The following VAC14 variants were observed in gnomAD, a reference collection of about 807,000 sequenced individuals.
VAC14 encodes protein VAC14 homolog.
Under a neutral mutation model 85.3 loss-of-function variants are expected in VAC14, and 47 were observed. The observed-to-expected ratio is 0.55, with a 90% CI of 0.44 to 0.70. VAC14 has a LOEUF of 0.70. VAC14 is among the 30% of genes least tolerant of loss of function. VAC14 has a pLI of 0.00. For synonymous variants in VAC14, 447 were observed against 430.5 expected (o/e 1.04, Z -0.47); for missense variants, 861 against 1,004.3 (o/e 0.86, Z 1.93).
chr16:70,744,298 C>G, intron 13 of VAC14, 125 bp downstream of exon 13: 1 of 1,357,430 alleles, frequency 7.4e-7, no homozygotes, highest in East Asian at 2.6e-5. Flanking sequence ...AACCCACAGA[C>G]CCCTCACACC....
chr16:70,704,432 C>G (rs531336623), intron 14 of VAC14, among the ~76,000 whole-genome samples: 1 of 152,328 alleles, frequency 6.6e-6, no homozygotes, highest in East Asian at 1.9e-4. Flanking sequence ...CTGATTTGGG[C>G]AAAGCCAGGC....
intron 10 of VAC14, chr16:70,769,637 T>C (rs373011566): frequency 2.0e-5 from 3 of 152,252 alleles, no homozygotes; most frequent in African/African-American, 7.2e-5. Context: ...GGATTTGGCA[T>C]TGGCTCCTGA....
rs968155357 is a variant in VAC14, at chr16:70,704,887, G to A, written c.1662-6076C>T. Among the ~76,000 whole-genome samples, 4 of 152,324 alleles carry A rather than the reference G, an allele frequency of 2.6e-5. 1 individual carries two copies. The highest frequency in any genetic ancestry group is 6.5e-5 in the Admixed American group (1 of 15,312). ...GGCTCCCTGCCGTGCTCCGCCCTAG[G>A]GAAGCTGGACTCTGCCATGTGGCTT... is the stretch of plus-strand genomic sequence containing the variant. On this transcript the variant is annotated intron_variant, in intron 14 of 18. Transcript: ENST00000261776.
chr16:70,786,564 T>C (rs1007096385), intron 1 of VAC14, 199 bp from the exon 2 acceptor site: 2 of 624,736 alleles, frequency 3.2e-6, no homozygotes, highest in African/African-American at 3.7e-5. Context: ...TCCCTTTGTG[T>C]ACAATGGAAT....
At chr16:70,756,487 T>C (rs2031869996) in intron 12 of VAC14, among the ~76,000 whole-genome samples, 1 of 152,160 alleles carries the variant, frequency 6.6e-6, no homozygotes, top group African/African-American at 2.4e-5. Flanking sequence ...AAATACAGTC[T>C]AGGGCATGGC....
At chr16:70,784,918 C>T (rs370203750) in intron 3 of VAC14, 80 bp from the exon 4 acceptor site, 103 of 1,276,510 alleles carry the variant, frequency 8.1e-5, no homozygotes, top group African/African-American at 1.2e-4. Context: ...CCTGCAAATC[C>T]GCAGCCGAGG....
At chr16:70,760,561 C>CCCAACTGTCT (rs1353266694) in intron 12 of VAC14, among the ~76,000 whole-genome samples, 1 of 152,026 alleles carries the variant, frequency 6.6e-6, no homozygotes, top group Non-Finnish European at 1.5e-5. Flanking sequence ...CTCAACTGTC[C>CCCAACTGTCT]CCCAGAGCAG....
chr16:70,744,683 G>A (rs2030700449), intron 12 of VAC14, 104 bp from the exon 13 acceptor site: 2 of 1,396,994 alleles, frequency 1.4e-6, no homozygotes, highest in Admixed American at 2.6e-5. Context: ...AGGGGTGGGA[G>A]GGGTCTGCAG....
At chr16:70,738,679 C>G (rs1406600644) in intron 13 of VAC14, among the ~76,000 whole-genome samples, 1 of 152,178 alleles carries the variant, frequency 6.6e-6, no homozygotes, top group Non-Finnish European at 1.5e-5. Context: ...GGCAGCAGTG[C>G]CGGGGGCCTC....
At chr16:70,705,203 A>G (rs1175037711) in intron 14 of VAC14, among the ~76,000 whole-genome samples, 4 of 152,186 alleles carry the variant, frequency 2.6e-5, no homozygotes, top group Admixed American at 2.0e-4. Context: ...CACTGGGTGC[A>G]GGCTCTGCCC....
chr16:70,786,423 G>A, intron 1 of VAC14, 58 bp from the exon 2 acceptor site: 1 of 1,585,620 alleles, frequency 6.3e-7, no homozygotes. Flanking sequence ...GTGGCCTCCA[G>A]GGCCTGGGGC....
chr16:70,710,705 C>T (rs1040162542), intron 14 of VAC14, among the ~76,000 whole-genome samples: 9 of 152,232 alleles, frequency 5.9e-5, no homozygotes, highest in South Asian at 2.1e-4. Flanking sequence ...GACCAAGACA[C>T]GGAGGCCTCG....
At chr16:70,747,831 C>G (rs1401367304) in intron 12 of VAC14, 1 of 152,268 alleles carries the variant, frequency 6.6e-6, no homozygotes, top group East Asian at 1.9e-4. Flanking sequence ...CAGGCCAGCA[C>G]TCGGCAAGAT....
chr16:70,727,736 T>C (rs564187810), intron 14 of VAC14, among the ~76,000 whole-genome samples: 3 of 152,328 alleles, frequency 2.0e-5, no homozygotes, highest in East Asian at 3.9e-4. Flanking sequence ...CAAAGCTCTT[T>C]GGAACGGCCT....
At chr16:70,761,513 C>T (rs762773837) in intron 12 of VAC14, among the ~76,000 whole-genome samples, 11 of 152,250 alleles carry the variant, frequency 7.2e-5, no homozygotes, top group Admixed American at 2.6e-4. Context: ...CAGCTGCAAA[C>T]CCTGCCGCTT....
intron 13 of VAC14, among the ~76,000 whole-genome samples, chr16:70,735,428 A>G (rs1487700810): frequency 6.6e-6 from 1 of 152,214 alleles, no homozygotes; most frequent in Non-Finnish European, 1.5e-5. Flanking sequence ...TTCCAAGTGA[A>G]TCTCACGGAG....
intron 12 of VAC14, among the ~76,000 whole-genome samples, chr16:70,757,045 C>T (rs771086791): frequency 3.3e-5 from 5 of 152,216 alleles, no homozygotes; most frequent in Non-Finnish European, 7.3e-5. Flanking sequence ...CTCCCATCAG[C>T]AATTTTTCTG....
chr16:70,797,102 C>T (rs966621956), intron 1 of VAC14, among the ~76,000 whole-genome samples: 4 of 152,122 alleles, frequency 2.6e-5, no homozygotes, highest in Non-Finnish European at 1.5e-5. Context: ...TCAAGAACAA[C>T]GCATTTGTTA....
chr16:70,696,917 C>T lies in VAC14; in HGVS notation c.1955+222G>A, dbSNP rs77515984. On this transcript the variant is annotated intron_variant, in intron 16 of 18. Transcript: ENST00000261776. ...ACCCACAGGGTTTCTCCCGGGCCAG[C>T]TCCCCCTCCAAGAGCCCCTCTTTGC... The T allele has an allele frequency of 1.4e-3, 686 of 487,436 alleles. 7 individuals are homozygous for T. The East Asian group carries it at 0.024, about 17-fold the overall frequency. 30.2% of individuals were successfully genotyped at this position (487,436 alleles called of 1,614,324 possible). A position where few individuals can be genotyped will look rare whatever the true frequency, so the allele number is the denominator to read the frequency against.
Sources: gnomAD v4.1 joint callset for allele counts (sites outside exome capture counted in the v4.1 genomes callset) on GRCh38, gnomAD v4.1.1 for gene constraint, MANE v1.5 for transcripts, NCBI Gene and HGNC (gene_info 2026-07-23, HGNC 2026-07-21) for gene names.